Variants in GNA12 observed in about 807,000 individuals in gnomAD.
GNA12 encodes the protein guanine nucleotide-binding protein subunit alpha-12.
A neutral mutation model predicts 26.0 loss-of-function variants in GNA12; 9 were observed. The observed-to-expected ratio is 0.35, with a 90% CI of 0.21 to 0.60. The LOEUF (loss-of-function observed/expected upper bound fraction) is 0.60. GNA12 is among the 20% of genes least tolerant of loss of function. The pLI, the probability that GNA12 is intolerant of heterozygous loss-of-function variation, is 0.78. For missense variants in GNA12, 405 were observed against 525.8 expected, an observed-to-expected ratio of 0.77 and a Z score of 2.25; for synonymous variants, 264 against 219.6, an observed-to-expected ratio of 1.20 and a Z score of -1.79.
intron 2 of GNA12, chr7:2,762,813 C>A: frequency 6.5e-7 from 1 of 1,527,606 alleles, no homozygotes; most frequent in South Asian, 1.2e-5. Context: ...AGGGCGGCCT[C>A]CCATCCGCCA....
At chr7:2,754,017 A>G (rs1218196600) in intron 2 of GNA12, among the ~76,000 whole-genome samples, 1 of 152,004 alleles carries the variant, frequency 6.6e-6, no homozygotes. Flanking sequence ...CTACATCTAA[A>G]CCCTTAAGTT....
chr7:2,822,750 T>A lies in GNA12; in HGVS notation c.309+21103A>T, dbSNP rs150999259. ...TCACTTGAGTCCAGAAAGTAAAGGCTGCAGCGAGCTATGATCGCCCCACTG... is the reference window on the plus strand; with the variant it reads ...TCACTTGAGTCCAGAAAGTAAAGGCAGCAGCGAGCTATGATCGCCCCACTG... On this transcript the variant is annotated intron_variant, in intron 1 of 3. Transcript: ENST00000275364. Among the ~76,000 whole-genome samples, 10 of 152,302 alleles carry A rather than the reference T, an allele frequency of 6.6e-5. No individual in the cohort carries two copies. In the East Asian group the frequency reaches 1.9e-3, roughly 29 times the overall value.
chr7:2,780,955 G>A (rs968524589), intron 2 of GNA12, among the ~76,000 whole-genome samples: 3 of 152,190 alleles, frequency 2.0e-5, no homozygotes, highest in Admixed American at 1.3e-4. Context: ...AAACCAACTT[G>A]TGTTCCCACC....
chr7:2,747,426 G>C (rs1466085524), intron 2 of GNA12, among the ~76,000 whole-genome samples: 1 of 152,150 alleles, frequency 6.6e-6, no homozygotes, highest in Non-Finnish European at 1.5e-5. Flanking sequence ...AAAACCACAT[G>C]ACTATCTCAG....
At chr7:2,775,133 CAG>C (rs1323937338) in intron 2 of GNA12, among the ~76,000 whole-genome samples, 1 of 152,198 alleles carries the variant, frequency 6.6e-6, no homozygotes. Context: ...AAATTCGTAA[CAG>C]GGGAGGAGGA....
At chr7:2,798,377 C>T (rs923527381) in intron 1 of GNA12, among the ~76,000 whole-genome samples, 2 of 152,132 alleles carry the variant, frequency 1.3e-5, no homozygotes, top group Non-Finnish European at 2.9e-5. Context: ...AATTGTCTTT[C>T]TATATACTAG....
intron 2 of GNA12, among the ~76,000 whole-genome samples, chr7:2,759,182 A>G (rs1791442463): frequency 6.7e-6 from 1 of 149,250 alleles, no homozygotes; most frequent in African/African-American, 2.5e-5. Context: ...TAAATAAATA[A>G]ATAAATAAAA....
chr7:2,748,895 A>C (rs373112183), intron 2 of GNA12, among the ~76,000 whole-genome samples: 7 of 152,242 alleles, frequency 4.6e-5, no homozygotes, highest in Admixed American at 4.6e-4. Flanking sequence ...ATGCAGCCAA[A>C]AGACACATGA....
At chr7:2,752,558 T>C (rs1791092060) in intron 2 of GNA12, among the ~76,000 whole-genome samples, 1 of 152,166 alleles carries the variant, frequency 6.6e-6, no homozygotes, top group Non-Finnish European at 1.5e-5. Flanking sequence ...CTAAGGAAGC[T>C]ATAAAAAAGC....
intron 1 of GNA12, among the ~76,000 whole-genome samples, chr7:2,806,473 A>AAG (rs1554262006): frequency 6.6e-6 from 1 of 151,244 alleles, no homozygotes; most frequent in Admixed American, 6.6e-5. Flanking sequence ...AAAAAAAAAA[A>AAG]AAAAAGAAAA....
Position 2,731,126 on chromosome 7 carries a change from C to A in GNA12, c.*55G>T, listed in dbSNP as rs1222500516. On this transcript the variant is annotated 3_prime_UTR_variant, in exon 4 of 4. Coordinates refer to ENST00000275364, the MANE Select transcript of GNA12 (RefSeq NM_007353.3). The surrounding 1 kb of genome is among the most constrained non-coding windows in gnomAD (Gnocchi z 6.0). ...ACACAGACAACACACACCCAAGAGT[C>A]TGACCGACAGCCGTGGGGGCTGCTC... is the stretch of plus-strand genomic sequence containing the variant. The A allele has an allele frequency of 9.0e-6, 11 of 1,222,452 alleles. No homozygotes were observed. In the Admixed American group the frequency reaches 1.7e-4, roughly 19 times the overall value. 75.7% of individuals were successfully genotyped at this position (1,222,452 alleles called of 1,614,324 possible).
intron 2 of GNA12, among the ~76,000 whole-genome samples, chr7:2,779,880 G>A (rs997122359): frequency 6.6e-6 from 1 of 151,870 alleles, no homozygotes; most frequent in African/African-American, 2.4e-5. Context: ...TTACAGGAGT[G>A]AGCCAGCAGG....
At chr7:2,836,584 G>A (rs1259424483) in intron 1 of GNA12, among the ~76,000 whole-genome samples, 1 of 152,160 alleles carries the variant, frequency 6.6e-6, no homozygotes, top group East Asian at 1.9e-4. Flanking sequence ...AGAAAAGGAT[G>A]CTCTTACAAC....
At chr7:2,767,384 C>T (rs1791834085) in intron 2 of GNA12, among the ~76,000 whole-genome samples, 1 of 152,114 alleles carries the variant, frequency 6.6e-6, no homozygotes. Context: ...ATGTTTAAGT[C>T]TTTAAGCCAT....
At position 2,763,191 on chromosome 7, in the gene GNA12, AACACACACACACACAC is replaced by A. The variant is rs56384682; in HGVS notation, c.526-29706_526-29691del. 415 of 222,172 alleles carry A rather than the reference AACACACACACACACAC, an allele frequency of 1.9e-3. 2 individuals carry two copies. Among genetic ancestry groups the A allele is most frequent in the South Asian group, 2.5e-3 (14 of 5,566 alleles). The allele number at this position is 222,172 out of a possible 1,614,324, so 13.8% of individuals were successfully genotyped here. A position where few individuals can be genotyped will look rare whatever the true frequency, so the allele number is the denominator to read the frequency against. On this transcript the variant is annotated intron_variant, in intron 2 of 3. Transcript: ENST00000275364. Reference sequence around the variant, plus strand: ...TTAGCAGGACTTCACAAGACACCCCAACACACACACACACACACACACACACACACACACACACACG... The same window carrying A: ...TTAGCAGGACTTCACAAGACACCCCAACACACACACACACACACACACACG...
chr7:2,805,953 CAA>C (rs2115474133), intron 1 of GNA12, among the ~76,000 whole-genome samples: 1 of 152,274 alleles, frequency 6.6e-6, no homozygotes, highest in East Asian at 1.9e-4. Flanking sequence ...TACTGGATCA[CAA>C]AGAGTACAAA....
intron 2 of GNA12, among the ~76,000 whole-genome samples, chr7:2,749,677 A>T (rs1472297727): frequency 1.3e-5 from 2 of 152,202 alleles, no homozygotes; most frequent in South Asian, 2.1e-4. Flanking sequence ...TAAAATAAAA[A>T]AAAAGAAAAT....
At chr7:2,772,040 A>ATC (rs1562420234) in intron 2 of GNA12, among the ~76,000 whole-genome samples, 2 of 152,214 alleles carry the variant, frequency 1.3e-5, no homozygotes, top group African/African-American at 4.8e-5. Context: ...TCGACTGAGC[A>ATC]TCTTTTCATG....
chr7:2,816,833 C>T (rs73051438), intron 1 of GNA12, among the ~76,000 whole-genome samples: 4,555 of 152,278 alleles, frequency 0.03, 116 homozygotes, highest in Non-Finnish European at 0.048. Flanking sequence ...CCCCATTTCA[C>T]AGATGAGAAA....
Sources: allele counts gnomAD v4.1 joint callset (sites outside exome capture counted in the v4.1 genomes callset), GRCh38; gene constraint gnomAD v4.1.1; non-coding constraint Gnocchi (gnomAD v3.1); transcripts MANE v1.5; gene names NCBI Gene and HGNC (gene_info 2026-07-23, HGNC 2026-07-21).